WNT8B: variants seen among roughly 807,000 people sequenced by gnomAD.
WNT8B encodes the protein protein Wnt-8b.
A neutral mutation model predicts 36.6 loss-of-function variants in WNT8B; 24 were observed. The ratio of observed to expected loss-of-function variants is 0.66; its 90% CI spans 0.48 to 0.92. WNT8B has a LOEUF of 0.92. Among genes scored for constraint, WNT8B ranks in the 40% least tolerant of loss-of-function variants. WNT8B has a pLI of 0.00. For synonymous variants in WNT8B, 199 were observed against 189.8 expected (o/e 1.05, Z -0.40); for missense variants, 402 against 470.8 (o/e 0.85, Z 1.35).
intron 1 of WNT8B, among the ~76,000 whole-genome samples, chr10:100,466,009 A>T (rs1038284075): frequency 1.3e-5 from 2 of 152,158 alleles, no homozygotes; most frequent in African/African-American, 4.8e-5. Flanking sequence ...TCACTTAAAA[A>T]TTACTGAATT....
intron 1 of WNT8B, among the ~76,000 whole-genome samples, chr10:100,471,046 G>A (rs1241538984): frequency 6.6e-6 from 1 of 152,198 alleles, no homozygotes; most frequent in East Asian, 1.9e-4. Flanking sequence ...CCAGGCCTAT[G>A]TTTTGTTTAG....
chr10:100,468,945 T>TA (rs1446270075), intron 1 of WNT8B, among the ~76,000 whole-genome samples: 4 of 152,236 alleles, frequency 2.6e-5, no homozygotes, highest in Non-Finnish European at 4.4e-5. Context: ...TGTTTAACTT[T>TA]AAAAAATTTT....
chr10:100,482,490 C>G lies in WNT8B; in HGVS notation c.730C>G (p.Arg244Gly). The G allele has an allele frequency of 1.9e-6, 3 of 1,602,490 alleles. No individual in the cohort carries two copies. The highest frequency in any genetic ancestry group is 2.5e-6 in the Non-Finnish European group (3 of 1,179,742). The change falls in exon 6 of 6, where the codon CGG becomes GGG. Residue 244 changes from arginine (R) to glycine (G), a missense_variant. By Grantham distance (125) the Arg-to-Gly change is moderately radical. Around this residue, in one of 3 missense-constraint regions of WNT8B, gnomAD observed 256 missense variants for 278.6 expected, o/e 0.92. Coordinates refer to ENST00000343737, the MANE Select transcript of WNT8B (RefSeq NM_003393.4). The surrounding 1 kb of genome is among the most constrained non-coding windows in gnomAD (Gnocchi z 6.6). ...IADTFRSIST[R>G]ELVHLEDSPD... ...CGACACCTTTCGCTCCATCTCTACC[C>G]GGGAGCTGGTGCACCTGGAGGACTC...
Position 100,482,905 on chromosome 10 carries a change from G to T in WNT8B, c.*89G>T, listed in dbSNP as rs1462527380. 1.5e-6 allele frequency: 2 copies of T among 1,360,774 alleles called. No individual in the cohort carries two copies. The highest frequency in any genetic ancestry group is 3.0e-5 in the African/African-American group (2 of 66,998). The allele number at this position is 1,360,774 out of a possible 1,614,324, so 84.3% of individuals were successfully genotyped here. ...GTGGAACCTAGGGAATGGGGAACCC[G>T]CTCTCCCAGACCTAGGGATCCTGAG... On this transcript the variant is annotated 3_prime_UTR_variant, in exon 6 of 6. Transcript: ENST00000343737. This position sits in a 1 kb window ranked among gnomAD's most constrained non-coding sequence, Gnocchi z 6.6.
chr10:100,477,447 C>T (rs1215488513), intron 1 of WNT8B, among the ~76,000 whole-genome samples: 2 of 151,932 alleles, frequency 1.3e-5, no homozygotes, highest in Admixed American at 6.6e-5. Context: ...CTACAAGTGC[C>T]CACCACCACG....
chr10:100,477,273 GT>G (rs1280923365), intron 1 of WNT8B, among the ~76,000 whole-genome samples: 1 of 151,728 alleles, frequency 6.6e-6, no homozygotes, highest in Non-Finnish European at 1.5e-5. Flanking sequence ...ATGTACCACA[GT>G]TTTTTATTTT....
intron 1 of WNT8B, among the ~76,000 whole-genome samples, chr10:100,476,742 T>C (rs891204198): frequency 6.6e-6 from 1 of 152,222 alleles, no homozygotes; most frequent in East Asian, 1.9e-4. Flanking sequence ...TATATGTACA[T>C]ATATATTTAA....
intron 3 of WNT8B, 109 bp from the exon 4 acceptor site, chr10:100,480,889 G>C: frequency 8.0e-7 from 1 of 1,251,494 alleles, no homozygotes; most frequent in African/African-American, 1.5e-5. Flanking sequence ...AAATAGGATG[G>C]AGCTAGGGAA....
intron 1 of WNT8B, among the ~76,000 whole-genome samples, chr10:100,463,997 C>T (rs1411214038): frequency 6.6e-6 from 1 of 152,166 alleles, no homozygotes; most frequent in East Asian, 1.9e-4. Flanking sequence ...TACACAATAA[C>T]ATACAGAATG....
Position 100,482,384 on chromosome 10 carries a change from G to T in WNT8B, c.624G>T (p.Leu208=). 1 of 1,606,878 alleles carries T rather than the reference G, an allele frequency of 6.2e-7. No homozygotes were observed. Among genetic ancestry groups the T allele is most frequent in the Non-Finnish European group, 8.5e-7 (1 of 1,179,972 alleles). Residue 208 remains leucine, a synonymous_variant, in exon 6 of 6, where the codon CTG becomes CTT. Transcript: ENST00000343737. This position sits in a 1 kb window ranked among gnomAD's most constrained non-coding sequence, Gnocchi z 6.6. ...AGTTCCGCGAGGTGGGCGCGCACCTGAAGGAGAAGTACCACGCAGCACTCA... is the reference window on the plus strand; with the variant it reads ...AGTTCCGCGAGGTGGGCGCGCACCTTAAGGAGAAGTACCACGCAGCACTCA... ...LPEFREVGAH[L]KEKYHAALKV... is the part of the protein sequence containing the mutation.
intron 1 of WNT8B, among the ~76,000 whole-genome samples, chr10:100,477,998 G>A (rs1564644664): frequency 6.7e-6 from 1 of 149,900 alleles, no homozygotes; most frequent in East Asian, 2.0e-4. Flanking sequence ...TGCCTAGGCT[G>A]GTCTTGAACT....
At chr10:100,478,498 GA>G (rs1407172973) in intron 1 of WNT8B, among the ~76,000 whole-genome samples, 1 of 152,110 alleles carries the variant, frequency 6.6e-6, no homozygotes, top group Non-Finnish European at 1.5e-5. Context: ...TATGGTACTG[GA>G]AATTTTACCT....
chr10:100,464,130 T>C (rs1299067424), intron 1 of WNT8B, among the ~76,000 whole-genome samples: 1 of 152,220 alleles, frequency 6.6e-6, no homozygotes, highest in Non-Finnish European at 1.5e-5. Context: ...ACATAAACTG[T>C]TGAGGAAGCA....
At chr10:100,472,841 CTG>C (rs1186160868) in intron 1 of WNT8B, among the ~76,000 whole-genome samples, 1 of 152,226 alleles carries the variant, frequency 6.6e-6, no homozygotes, top group East Asian at 1.9e-4. Flanking sequence ...GCACTAACCT[CTG>C]TGTACATATG....
rs1589724990 is a variant in WNT8B, at chr10:100,477,355, C to G, written c.69-1697C>G. On this transcript the variant is annotated intron_variant, in intron 1 of 5. Transcript: ENST00000343737. ...TCGGTCTGTTACCCAGGCTGGAGTGCAGTGGCGCGATCTTGGCTCACTGCA... is the reference window on the plus strand; with the variant it reads ...TCGGTCTGTTACCCAGGCTGGAGTGGAGTGGCGCGATCTTGGCTCACTGCA... 2.0e-5 allele frequency among the ~76,000 whole-genome samples: 3 copies of G among 151,364 alleles called. No homozygotes were observed. The South Asian group carries it at 6.3e-4, about 32-fold the overall frequency.
At chr10:100,478,942 T>C in intron 1 of WNT8B, 110 bp from the exon 2 acceptor site, 1 of 943,238 alleles carries the variant, frequency 1.1e-6, no homozygotes, top group South Asian at 1.7e-5. Context: ...CTAGTTTCCC[T>C]TTCTTCCTAT....
intron 1 of WNT8B, among the ~76,000 whole-genome samples, chr10:100,471,383 T>C (rs1850975629): frequency 6.6e-6 from 1 of 152,200 alleles, no homozygotes; most frequent in Non-Finnish European, 1.5e-5. Context: ...GCCTAGAAAA[T>C]GTGCCCAGGG....
At chr10:100,470,488 C>T (rs1850964444) in intron 1 of WNT8B, among the ~76,000 whole-genome samples, 1 of 152,032 alleles carries the variant, frequency 6.6e-6, no homozygotes, top group African/African-American at 2.4e-5. Context: ...ACTTTGGCCT[C>T]CTAAAATGCT....
chr10:100,473,752 C>T (rs1278362006), intron 1 of WNT8B, among the ~76,000 whole-genome samples: 1 of 152,140 alleles, frequency 6.6e-6, no homozygotes, highest in Non-Finnish European at 1.5e-5. Context: ...GTGGCCAAAC[C>T]CCATCTCTAC....
Sources: allele counts gnomAD v4.1 joint callset (sites outside exome capture counted in the v4.1 genomes callset), GRCh38; gene constraint gnomAD v4.1.1; regional missense constraint gnomAD v4.1.1; non-coding constraint Gnocchi (gnomAD v3.1); transcripts MANE v1.5; gene names NCBI Gene and HGNC (gene_info 2026-07-23, HGNC 2026-07-21).